The following POLRMT variants were observed in gnomAD, a reference collection of about 807,000 sequenced individuals.
POLRMT encodes the protein RNA polymerase mitochondrial, also known as DNA-directed RNA polymerase, mitochondrial.
In POLRMT, 114 loss-of-function variants were observed where a neutral mutation model predicts 132.2. The observed-to-expected ratio is 0.86, with a 90% confidence interval of 0.74 to 1.01. POLRMT has a LOEUF of 1.01. Ranked by LOEUF, POLRMT falls within the 50% of genes least tolerant of loss-of-function variation. The probability of loss-of-function intolerance (pLI) is 0.00; values close to 1 mark genes in which losing one functional copy is unlikely to be tolerated. For missense variants in POLRMT, 2,003 were observed against 1,729.1 expected, an observed-to-expected ratio of 1.16 and a Z score of -2.81; for synonymous variants, 1,020 against 773.4, an observed-to-expected ratio of 1.32 and a Z score of -5.29.
At position 621,276 on chromosome 19, in the gene POLRMT, G is replaced by A. The variant is rs778477461; in HGVS notation, c.2422C>T (p.Pro808Ser). The part of the protein sequence containing the change: ...HNMDFRGRTY[P>S]CPPHFNHLGS... ...AGGTGGTTGAAGTGCGGCGGGCAGG[G>A]GTAGGTGCGGCCGCGGAAGTCCATG... is the stretch of plus-strand genomic sequence containing the variant. The change falls in exon 10 of 21, where the codon CCC becomes TCC. Residue 808 changes from proline to serine, a missense_variant. By Grantham distance (74) the Pro-to-Ser change is moderately conservative (BLOSUM62 -1). Transcript: ENST00000588649. The A allele has an allele frequency of 8.5e-5, 137 of 1,606,666 alleles. No homozygotes were observed. Among genetic ancestry groups the A allele is most frequent in the East Asian group, 1.8e-4 (8 of 44,728 alleles).
intron 4 of POLRMT, 79 bp downstream of exon 4, chr19:625,045 C>G (rs1454515578): frequency 1.3e-6 from 2 of 1,535,882 alleles, no homozygotes; most frequent in Non-Finnish European, 1.8e-6. Context: ...TCCCCAGCCC[C>G]CAGCCCAGGC....
At chr19:619,508 C>T in intron 13 of POLRMT, 78 bp downstream of exon 13, 1 of 1,559,854 alleles carries the variant, frequency 6.4e-7, no homozygotes. Flanking sequence ...TGCTGGGAGG[C>T]TGGGTCGGGG....
chr19:620,440 G>A lies in POLRMT; in HGVS notation c.2688C>T (p.Ala896=), dbSNP rs545370771. Residue 896 remains alanine, a synonymous_variant, in exon 11 of 21, where the codon GCC becomes GCT. Transcript: ENST00000588649. The stretch of plus-strand genomic sequence containing the variant: ...CAGCGTTCGCCACCTCCATACAGCA[G>A]GCCAGCGTCTGCCAGGGTTCCTCCG... The part of the protein sequence containing the change: ...MGAEEPWQTL[A]CCMEVANAVR... The A allele has an allele frequency of 4.4e-6, 7 of 1,599,512 alleles. No homozygotes were observed. Among genetic ancestry groups the A allele is most frequent in the African/African-American group, 2.7e-5 (2 of 74,776 alleles).
Position 618,738 on chromosome 19 carries a change from C to T in POLRMT, c.3290G>A (p.Ser1097Asn). The change falls in exon 16 of 21, where the codon AGC becomes AAC. Residue 1097 changes from serine (S) to asparagine (N), a missense_variant. Physicochemically the swap from Ser to Asn is conservative, Grantham distance 46. Transcript: ENST00000588649. ...GTCTCCGTTGTGGGTGTAGGTGATG[C>T]TCTGAATTCCACCTCCTATTTGCTA... ...KVKQIGGGIQ[S>N]ITYTHNGDIS... The T allele has an allele frequency of 1.9e-6, 3 of 1,606,286 alleles. No homozygotes were observed. Among genetic ancestry groups the T allele is most frequent in the Non-Finnish European group, 2.5e-6 (3 of 1,176,902 alleles).
At chr19:625,941 T>C (rs564693302) in intron 3 of POLRMT, among the ~76,000 whole-genome samples, 75 of 151,970 alleles carry the variant, frequency 4.9e-4, no homozygotes, top group African/African-American at 1.5e-3. Context: ...GACATCGTGA[T>C]CCGCCAGCCT....
chr19:618,182 G>T, intron 17 of POLRMT: 1 of 547,658 alleles, frequency 1.8e-6, no homozygotes, highest in Non-Finnish European at 3.3e-6. Flanking sequence ...GTGGCCGGTA[G>T]ATTCTGCTGG....
rs780331649 is a variant in POLRMT, at chr19:619,151, G to A, written c.3154-41C>T. 40 of 1,609,670 alleles carry A rather than the reference G, an allele frequency of 2.5e-5. No individual in the cohort carries two copies. The Middle Eastern group carries it at 9.9e-4, about 40-fold the overall frequency. On this transcript the variant is annotated intron_variant, in intron 14 of 20. Transcript: ENST00000588649. ...CGTCTCAGGGCAGGGGGCTCAGGCC[G>A]GGGATCCCGTCCACTTGCTTAGGGA...
Position 629,696 on chromosome 19 carries a change from C to T in POLRMT, c.666G>A (p.Gln222=). Reference sequence around the variant, plus strand: ...TGAAGAAGGCCAGGAGCCTCTGCTGCTGACCTGAGAGCTGGGCCTGCGAGT... The same window carrying T: ...TGAAGAAGGCCAGGAGCCTCTGCTGTTGACCTGAGAGCTGGGCCTGCGAGT... ...GQHSQAQLSG[Q]QQRLLAFFKC... The change falls in exon 3 of 21, where the codon CAG becomes CAA. Residue 222 remains glutamine (Q), a synonymous_variant. Transcript: ENST00000588649. 6.2e-7 allele frequency: 1 copy of T among 1,606,016 alleles called. No individual in the cohort carries two copies. Among genetic ancestry groups the T allele is most frequent in the East Asian group, 2.2e-5 (1 of 44,792 alleles).
intron 9 of POLRMT, 122 bp from the exon 10 acceptor site, chr19:621,968 G>C: frequency 5.4e-6 from 7 of 1,287,198 alleles, no homozygotes; most frequent in Non-Finnish European, 7.4e-6. Context: ...GGCCTCCCAC[G>C]AACAGAAGCC....
Position 629,931 on chromosome 19 carries a change from A to T in POLRMT, c.431T>A (p.Leu144Gln). The change falls in exon 3 of 21, where the codon CTG becomes CAG. Residue 144 changes from leucine (L) to glutamine (Q), a missense_variant. Coordinates refer to ENST00000588649, the MANE Select transcript of POLRMT (RefSeq NM_005035.4). ...CTCCCCGCTCTGGAATGGCATCTGC[A>T]GCTTCGCCTTCAACCGCTGCATACG... ...QMRMQRLKAKLQMPFQSGEFK... is the reference protein window; with the variant it reads ...QMRMQRLKAKQQMPFQSGEFK... 1 of 1,613,678 alleles carries T rather than the reference A, an allele frequency of 6.2e-7. No individual in the cohort carries two copies. Among genetic ancestry groups the T allele is most frequent in the Non-Finnish European group, 8.5e-7 (1 of 1,180,006 alleles).
At chr19:619,139 G>A (rs11669180) in intron 14 of POLRMT, 29 bp from the exon 15 acceptor site, 63,092 of 1,610,720 alleles carry the variant, frequency 0.039, 1,473 homozygotes, top group Middle Eastern at 0.052. Flanking sequence ...CTCAGGGCAG[G>A]GGGCTCAGGC....
chr19:617,418 C>A lies in POLRMT; in HGVS notation c.3643+1G>T. On this transcript the variant is annotated splice_donor_variant, in intron 20 of 20. Coordinates refer to ENST00000588649, the MANE Select transcript of POLRMT (RefSeq NM_005035.4). LOFTEE classifies it high-confidence loss of function. ...CCTTGCGAGGCTGCCCACCCGCCTA[C>A]CTGGCTTGGGCACCGCCTGCAGTGT... 2 of 1,612,330 alleles carry A rather than the reference C, an allele frequency of 1.2e-6. No individual in the cohort carries two copies. Among genetic ancestry groups the A allele is most frequent in the South Asian group, 1.1e-5 (1 of 91,062 alleles).
chr19:629,504 A>T (rs1985249024), intron 3 of POLRMT, 36 bp downstream of exon 3: 1 of 1,477,474 alleles, frequency 6.8e-7, no homozygotes, highest in African/African-American at 1.4e-5. Context: ...GTCTCCAACG[A>T]CCAGGGCAGG....
intron 10 of POLRMT, among the ~76,000 whole-genome samples, chr19:620,731 G>A (rs1460920219): frequency 6.3e-5 from 9 of 143,974 alleles, no homozygotes; most frequent in African/African-American, 2.1e-4. Flanking sequence ...GGGGAGGAGG[G>A]TGGACAGAGG....
chr19:625,390 C>G (rs527971982), intron 3 of POLRMT, 136 bp from the exon 4 acceptor site: 42 of 1,141,776 alleles, frequency 3.7e-5, no homozygotes, highest in Non-Finnish European at 4.6e-5. Flanking sequence ...GCCAGCTGGG[C>G]AGACCGATGC....
rs751459962 is a variant in POLRMT at position 621,171 on chromosome 19, T to C, written c.2527A>G (p.Ile843Val). The change falls in exon 10 of 21, where the codon ATC becomes GTC. Residue 843 changes from isoleucine (I) to valine (V), a missense_variant. Physicochemically the swap from Ile to Val is conservative, Grantham distance 29. Transcript: ENST00000588649. ...LGPHGLDWLK[I>V]HLVNLTGLKK... Reference sequence around the variant, plus strand: ...AACCCCGTGAGATTGACCAGGTGGATCTTGAGCCAATCCAGGCCGTGCGGG... The same window carrying C: ...AACCCCGTGAGATTGACCAGGTGGACCTTGAGCCAATCCAGGCCGTGCGGG... The C allele has an allele frequency of 8.1e-6, 13 of 1,610,616 alleles. No individual in the cohort carries two copies. The East Asian group carries it at 1.8e-4, about 22-fold the overall frequency.
At chr19:630,586 T>C (rs1985342856) in intron 2 of POLRMT, among the ~76,000 whole-genome samples, 1 of 151,990 alleles carries the variant, frequency 6.6e-6, no homozygotes, top group African/African-American at 2.4e-5. Flanking sequence ...CCCCTCTCAC[T>C]GTCTAGCTCA....
rs1213660824 is a variant in POLRMT, at chr19:623,528, T to C, written c.1216A>G (p.Met406Val). The change falls in exon 6 of 21, where the codon ATG becomes GTG. Residue 406 changes from methionine to valine, a missense_variant. Physicochemically the swap from Met to Val is conservative, Grantham distance 21 (BLOSUM62 1). Coordinates refer to ENST00000588649, the MANE Select transcript of POLRMT (RefSeq NM_005035.4). ...LQCLFEKQLH[M>V]ELASRVCVVS... ...ACGCACACCCTGCTGGCCAGCTCCA[T>C]GTGGAGCTGCTTCTCAAAGAGGCAC... 6 of 1,613,440 alleles carry C rather than the reference T, an allele frequency of 3.7e-6. No individual in the cohort carries two copies. The highest frequency in any genetic ancestry group is 1.1e-5 in the South Asian group (1 of 91,068).
rs546945713 is a variant in POLRMT, at chr19:623,372, G to A, written c.1290+82C>T. Reference sequence around the variant, plus strand: ...GGCTCAGCCCCTGCGGCGGACACGGGACCCCGGCTCAGCCCGTGCGGTGGA... The same window carrying A: ...GGCTCAGCCCCTGCGGCGGACACGGAACCCCGGCTCAGCCCGTGCGGTGGA... On this transcript the variant is annotated intron_variant, in intron 6 of 20. Transcript: ENST00000588649. 5 of 1,553,852 alleles carry A rather than the reference G, an allele frequency of 3.2e-6. No individual in the cohort carries two copies. The South Asian group carries it at 5.9e-5, about 18-fold the overall frequency.
Sources: gnomAD v4.1 joint callset for allele counts (sites outside exome capture counted in the v4.1 genomes callset) on GRCh38, gnomAD v4.1.1 for gene constraint, MANE v1.5 for transcripts, NCBI Gene and HGNC (gene_info 2026-07-23, HGNC 2026-07-21) for gene names.